The following HGF variants were observed in gnomAD, a reference collection of about 807,000 sequenced individuals.
HGF encodes the protein hepatocyte growth factor.
A neutral mutation model predicts 111.6 loss-of-function variants in HGF; 39 were observed. The observed-to-expected ratio is 0.35, with a 90% CI of 0.27 to 0.46. The LOEUF (loss-of-function observed/expected upper bound fraction) is 0.46, where lower values mean the gene tolerates loss of function less well. Among genes scored for constraint, HGF ranks in the 20% least tolerant of loss-of-function variants. The pLI is 1.00. For synonymous variants in HGF, 285 were observed against 294.8 expected, an observed-to-expected ratio of 0.97 and a Z score of 0.34; for missense variants, 735 against 910.5, an observed-to-expected ratio of 0.81 and a Z score of 2.48.
intron 16 of HGF, 54 bp downstream of exon 16, chr7:81,705,593 G>T (rs748539273): frequency 1.1e-5 from 18 of 1,599,040 alleles, no homozygotes; most frequent in Non-Finnish European, 1.5e-5. Context: ...AAAGACAAAT[G>T]TGTTCTTTTT....
At chr7:81,741,529 T>G (rs761804835) in intron 7 of HGF, among the ~76,000 whole-genome samples, 1 of 151,998 alleles carries the variant, frequency 6.6e-6, no homozygotes, top group Non-Finnish European at 1.5e-5. Context: ...TTTCTTGGTG[T>G]GTGCATGCCA....
chr7:81,733,304 C>A (rs909013278), intron 7 of HGF, among the ~76,000 whole-genome samples: 1 of 151,638 alleles, frequency 6.6e-6, no homozygotes, highest in African/African-American at 2.4e-5. Context: ...GTAATTAATA[C>A]AAATATAATA....
intron 14 of HGF, 76 bp from the exon 15 acceptor site, chr7:81,706,503 AT>A: frequency 1.7e-6 from 2 of 1,199,996 alleles, no homozygotes; most frequent in Non-Finnish European, 2.5e-6. Flanking sequence ...ATCTATTGTT[AT>A]TTTAGACTAT....
Position 81,701,940 on chromosome 7 carries a change from A to C in HGF, c.*641T>G. On this transcript the variant is annotated 3_prime_UTR_variant, in exon 18 of 18. Coordinates refer to ENST00000222390, the MANE Select transcript of HGF (RefSeq NM_000601.6). ...AGATTTCTGGTTTTTTTGAGGTAAA[A>C]CTATAGGTACATACTTCTAAAATAT... 1 of 162,388 alleles carries C rather than the reference A, an allele frequency of 6.2e-6. No individual in the cohort carries two copies. Among genetic ancestry groups the C allele is most frequent in the Admixed American group, 6.5e-5 (1 of 15,420 alleles). The allele number at this position is 162,388 out of a possible 1,614,324, so 10.1% of individuals were successfully genotyped here. A position where few individuals can be genotyped will look rare whatever the true frequency, so the allele number is the denominator to read the frequency against.
chr7:81,759,028 A>G (rs2116207617), intron 2 of HGF, among the ~76,000 whole-genome samples: 1 of 152,312 alleles, frequency 6.6e-6, no homozygotes, highest in South Asian at 2.1e-4. Flanking sequence ...TAAATATCAG[A>G]TTGAATACTC....
At chr7:81,712,030 G>GT (rs770061536) in intron 11 of HGF, among the ~76,000 whole-genome samples, 11 of 152,116 alleles carry the variant, frequency 7.2e-5, no homozygotes, top group Non-Finnish European at 1.6e-4. Context: ...GGATAATATT[G>GT]TAAGTATATG....
At chr7:81,736,872 GT>G (rs2115973170) in intron 7 of HGF, 1 of 376,202 alleles carries the variant, frequency 2.7e-6, no homozygotes, top group Non-Finnish European at 5.1e-6. Flanking sequence ...TCACTGAAGG[GT>G]TTTTAATTTA....
At chr7:81,750,984 G>T in intron 5 of HGF, 1 of 966,982 alleles carries the variant, frequency 1.0e-6, no homozygotes, top group Non-Finnish European at 1.2e-6. Context: ...GGAATGGAAA[G>T]TAAGAATTTA....
At chr7:81,755,963 T>G (rs1453844969) in intron 4 of HGF, 1 of 700,542 alleles carries the variant, frequency 1.4e-6, no homozygotes, top group Non-Finnish European at 2.6e-6. Context: ...TGTTGGTCAA[T>G]AACTCATCTC....
Position 81,705,464 on chromosome 7 carries a change from G to A in HGF, c.1936C>T (p.His646Tyr), listed in dbSNP as rs2115760963. 1 of 1,612,704 alleles carries A rather than the reference G, an allele frequency of 6.2e-7. No individual in the cohort carries two copies. Among genetic ancestry groups the A allele is most frequent in the Non-Finnish European group, 8.5e-7 (1 of 1,179,032 alleles). The part of the protein sequence containing the change: ...IMGNEKCSQH[H>Y]RGKVTLNESE... ...TCATTCAGAGTCACCTTCCCTCGATGATGCTGGCTGCATTTCTCATTTCCC... is the reference window on the plus strand; with the variant it reads ...TCATTCAGAGTCACCTTCCCTCGATAATGCTGGCTGCATTTCTCATTTCCC... Residue 646 changes from histidine to tyrosine, a missense_variant, in exon 17 of 18, where the codon CAT becomes TAT. Physicochemically the swap from His to Tyr is moderately conservative, Grantham distance 83. Transcript: ENST00000222390.
At position 81,710,256 on chromosome 7, in the gene HGF, C is replaced by A. The variant is rs753446268; in HGVS notation, c.1445-13G>T. ...GATATTACGGGATCTGAAACAGGACCAAACATAACATTTTTTAAAATAAGA... is the reference window on the plus strand; with the variant it reads ...GATATTACGGGATCTGAAACAGGACAAAACATAACATTTTTTAAAATAAGA... On this transcript the variant is annotated splice_polypyrimidine_tract_variant and intron_variant, in intron 12 of 17. Coordinates refer to ENST00000222390, the MANE Select transcript of HGF (RefSeq NM_000601.6). 23 of 1,562,980 alleles carry A rather than the reference C, an allele frequency of 1.5e-5. No individual in the cohort carries two copies. In the East Asian group the frequency reaches 4.9e-4, roughly 34 times the overall value.
intron 9 of HGF, 86 bp downstream of exon 9, chr7:81,725,804 T>G: frequency 6.9e-7 from 1 of 1,443,076 alleles, no homozygotes; most frequent in African/African-American, 1.4e-5. Flanking sequence ...CAGCAAGAAG[T>G]AGATCTTATG....
At chr7:81,732,988 G>T (rs1385466229) in intron 7 of HGF, among the ~76,000 whole-genome samples, 2 of 152,052 alleles carry the variant, frequency 1.3e-5, no homozygotes, top group East Asian at 3.8e-4. Flanking sequence ...TCAGCTGGAG[G>T]TTTCCAACAA....
At chr7:81,704,142 G>C (rs1583911755) in intron 17 of HGF, among the ~76,000 whole-genome samples, 1 of 151,720 alleles carries the variant, frequency 6.6e-6, no homozygotes, top group Non-Finnish European at 1.5e-5. Flanking sequence ...TTTTTGAGAA[G>C]TGGCGGAATC....
intron 9 of HGF, among the ~76,000 whole-genome samples, chr7:81,723,481 A>G (rs1418102118): frequency 6.6e-6 from 1 of 151,936 alleles, no homozygotes; most frequent in African/African-American, 2.4e-5. Context: ...TCATTAGAAT[A>G]TATTTTAAGA....
chr7:81,713,346 G>A (rs1431349071), intron 11 of HGF, among the ~76,000 whole-genome samples: 4 of 152,008 alleles, frequency 2.6e-5, no homozygotes, highest in Non-Finnish European at 5.9e-5. Context: ...CCAACACAGT[G>A]AAAACCTGGA....
At chr7:81,730,562 A>G (rs1787615351) in intron 7 of HGF, among the ~76,000 whole-genome samples, 1 of 152,218 alleles carries the variant, frequency 6.6e-6, no homozygotes, top group South Asian at 2.1e-4. Context: ...AGGAAGATCT[A>G]TCTCCTGCTT....
intron 13 of HGF, 126 bp from the exon 14 acceptor site, chr7:81,707,490 C>A: frequency 1.5e-6 from 1 of 667,738 alleles, no homozygotes; most frequent in Non-Finnish European, 2.7e-6. Flanking sequence ...AGAAATTAAC[C>A]CAACTGGAAT....
intron 1 of HGF, among the ~76,000 whole-genome samples, chr7:81,763,333 T>G (rs1373567874): frequency 6.6e-6 from 1 of 152,182 alleles, no homozygotes; most frequent in East Asian, 1.9e-4. Context: ...CTAAAAACTG[T>G]ACAGTGGACA....
Sources: gnomAD v4.1 joint callset for allele counts (sites outside exome capture counted in the v4.1 genomes callset) on GRCh38, gnomAD v4.1.1 for gene constraint, MANE v1.5 for transcripts, NCBI Gene and HGNC (gene_info 2026-07-23, HGNC 2026-07-21) for gene names.